Variants in ASIC2 observed in about 807,000 individuals in gnomAD.
The protein encoded by ASIC2 is acid sensing ion channel subunit 2.
In ASIC2, 25 loss-of-function variants were observed where a neutral mutation model predicts 57.3. The observed-to-expected ratio is 0.44, with a 90% CI of 0.32 to 0.61. The LOEUF (loss-of-function observed/expected upper bound fraction) is 0.61. Ranked by LOEUF, ASIC2 falls within the 20% of genes least tolerant of loss-of-function variation. ASIC2 has a pLI of 0.06. For missense variants in ASIC2, 641 were observed against 738.1 expected (o/e 0.87, Z 1.52); for synonymous variants, 319 against 307.5 (o/e 1.04, Z -0.39).
chr17:33,218,116 T>A (rs1341376027), intron 1 of ASIC2, among the ~76,000 whole-genome samples: 2 of 152,260 alleles, frequency 1.3e-5, no homozygotes. Context: ...TTAAATGTTT[T>A]TATTTAAAAT....
chr17:33,706,362 G>C (rs955339466), intron 1 of ASIC2, among the ~76,000 whole-genome samples: 9 of 151,666 alleles, frequency 5.9e-5, no homozygotes, highest in Non-Finnish European at 1.3e-4. Flanking sequence ...TGGGACTGCA[G>C]GTATGTGCCA....
chr17:33,122,405 C>G (rs915346591), intron 1 of ASIC2, among the ~76,000 whole-genome samples: 6 of 152,128 alleles, frequency 3.9e-5, no homozygotes, highest in Non-Finnish European at 7.4e-5. Flanking sequence ...ATAAAACTAG[C>G]TAATAATATT....
intron 1 of ASIC2, chr17:34,070,722 C>G (rs1297540386): frequency 6.6e-6 from 1 of 152,310 alleles, no homozygotes; most frequent in Non-Finnish European, 1.5e-5. Flanking sequence ...ACCAATAACC[C>G]TGGTCATAAT....
intron 1 of ASIC2, among the ~76,000 whole-genome samples, chr17:33,630,569 A>G (rs988562375): frequency 6.6e-6 from 1 of 152,158 alleles, no homozygotes; most frequent in Admixed American, 6.5e-5. Flanking sequence ...CAAGCATGCT[A>G]TGAAACACTG....
intron 1 of ASIC2, among the ~76,000 whole-genome samples, chr17:33,853,236 G>A (rs1261802040): frequency 6.6e-6 from 1 of 152,172 alleles, no homozygotes; most frequent in African/African-American, 2.4e-5. Flanking sequence ...AGGAGGGAGA[G>A]GGGAGGTGGG....
intron 1 of ASIC2, among the ~76,000 whole-genome samples, chr17:33,715,251 C>T (rs1354432607): frequency 6.6e-6 from 1 of 152,164 alleles, no homozygotes; most frequent in African/African-American, 2.4e-5. Context: ...ATCCTCGCAC[C>T]TCAGCCTCAC....
intron 1 of ASIC2, chr17:33,131,794 T>C (rs2092347159): frequency 6.6e-6 from 1 of 152,248 alleles, no homozygotes; most frequent in Non-Finnish European, 1.5e-5. Flanking sequence ...GCTACCAGTG[T>C]GGCTGCCCCG....
chr17:33,018,978 A>G (rs1383920362), intron 7 of ASIC2, among the ~76,000 whole-genome samples: 1 of 152,122 alleles, frequency 6.6e-6, no homozygotes, highest in Non-Finnish European at 1.5e-5. Flanking sequence ...CGGGTGAACA[A>G]CAGAGATGGT....
At position 33,852,226 on chromosome 17, in the gene ASIC2, G is replaced by T. The variant is rs142925546; in HGVS notation, c.555+303752C>A. On this transcript the variant is annotated intron_variant, in intron 1 of 9. Transcript: ENST00000359872. ...CTCATTTTCCTTCCATGAGAGCAAT[G>T]AGGCCTTTTACCAAAGCAGTTCACT... Among the ~76,000 whole-genome samples, 441 of 152,356 alleles carry T rather than the reference G, an allele frequency of 2.9e-3. 5 individuals are homozygous for T. The highest frequency in any genetic ancestry group is 0.01 in the African/African-American group (419 of 41,582).
intron 1 of ASIC2, among the ~76,000 whole-genome samples, chr17:33,992,879 A>G (rs1042066415): frequency 2.0e-5 from 3 of 152,202 alleles, no homozygotes; most frequent in African/African-American, 7.2e-5. Flanking sequence ...ACGGGTTTCA[A>G]GCAGGCTGAA....
chr17:33,503,540 C>T (rs1051905000), intron 1 of ASIC2, among the ~76,000 whole-genome samples: 4 of 152,096 alleles, frequency 2.6e-5, no homozygotes, highest in South Asian at 2.1e-4. Context: ...TGATAAAAGA[C>T]GGAGCCTTGG....
At chr17:33,474,006 C>T (rs901265627) in intron 1 of ASIC2, among the ~76,000 whole-genome samples, 2 of 152,244 alleles carry the variant, frequency 1.3e-5, no homozygotes, top group Non-Finnish European at 2.9e-5. Flanking sequence ...CAGACCTCTA[C>T]TCTGTCCTTG....
At chr17:33,069,732 T>C (rs1409453172) in intron 3 of ASIC2, among the ~76,000 whole-genome samples, 1 of 152,222 alleles carries the variant, frequency 6.6e-6, no homozygotes, top group African/African-American at 2.4e-5. Context: ...TACCTTTATA[T>C]TTAAAATACA....
At chr17:33,950,192 G>A (rs1904513657) in intron 1 of ASIC2, among the ~76,000 whole-genome samples, 1 of 152,148 alleles carries the variant, frequency 6.6e-6, no homozygotes, top group African/African-American at 2.4e-5. Flanking sequence ...TGGCCTTCCT[G>A]GGAACTTCAA....
chr17:33,503,824 C>T (rs1428073633), intron 1 of ASIC2, among the ~76,000 whole-genome samples: 1 of 152,154 alleles, frequency 6.6e-6, no homozygotes, highest in Non-Finnish European at 1.5e-5. Flanking sequence ...CAGGATTCAG[C>T]CCTAGGGACA....
In ASIC2 at chr17:33,158,498, G is replaced by A. The variant is rs565147918; in HGVS notation, c.709-46431C>T. On this transcript the variant is annotated intron_variant, in intron 1 of 9. Transcript: ENST00000225823. ...ACTGCTGGGCCCTGGTCTGTGGATC[G>A]CTGTGAATGCCAAAGATCTCCAGGT... 2.0e-5 allele frequency among the ~76,000 whole-genome samples: 3 copies of A among 152,202 alleles called. No homozygotes were observed. The South Asian group carries it at 6.2e-4, about 31-fold the overall frequency.
intron 1 of ASIC2, among the ~76,000 whole-genome samples, chr17:33,185,132 G>A (rs1324725583): frequency 3.3e-5 from 5 of 152,154 alleles, no homozygotes; most frequent in African/African-American, 1.2e-4. Flanking sequence ...GACTATGCCT[G>A]GTCTGTGATG....
intron 1 of ASIC2, among the ~76,000 whole-genome samples, chr17:33,694,208 A>G (rs1341010892): frequency 2.0e-5 from 3 of 152,180 alleles, no homozygotes; most frequent in African/African-American, 7.2e-5. Flanking sequence ...ATGGGGTTTA[A>G]AACGTTTAAA....
At chr17:33,351,425 A>G (rs1328915759) in intron 1 of ASIC2, among the ~76,000 whole-genome samples, 1 of 152,204 alleles carries the variant, frequency 6.6e-6, no homozygotes, top group Non-Finnish European at 1.5e-5. Flanking sequence ...TTCAGGAAAC[A>G]TTAGCTCCCA....
Sources: allele counts gnomAD v4.1 joint callset (sites outside exome capture counted in the v4.1 genomes callset), GRCh38; gene constraint gnomAD v4.1.1; transcripts MANE v1.5; gene names NCBI Gene and HGNC (gene_info 2026-07-23, HGNC 2026-07-21).